The following PTPRN2 variants were observed in gnomAD, a reference collection of about 807,000 sequenced individuals.
PTPRN2 encodes the protein receptor-type tyrosine-protein phosphatase N2.
A neutral mutation model predicts 118.8 loss-of-function variants in PTPRN2; 74 were observed. That is an observed-to-expected ratio of 0.62 (90% CI 0.52 to 0.76). The LOEUF is 0.76. Ranked by LOEUF, PTPRN2 falls within the 30% of genes least tolerant of loss-of-function variation. PTPRN2 has a pLI of 0.00. For missense variants in PTPRN2, 1,481 were observed against 1,394.4 expected (o/e 1.06, Z -0.99); for synonymous variants, 641 against 608.0 (o/e 1.05, Z -0.80).
At chr7:157,758,627 C>T (rs1223952718) in intron 12 of PTPRN2, among the ~76,000 whole-genome samples, 3 of 152,206 alleles carry the variant, frequency 2.0e-5, no homozygotes, top group African/African-American at 4.8e-5. Flanking sequence ...CGCAGGGGTC[C>T]CTGGAGGACG....
At chr7:158,023,594 C>A (rs1319521604) in intron 11 of PTPRN2, among the ~76,000 whole-genome samples, 3 of 152,154 alleles carry the variant, frequency 2.0e-5, no homozygotes, top group Non-Finnish European at 2.9e-5. Flanking sequence ...CTTGCGGTGT[C>A]CCCCACTGCC....
chr7:157,710,546 G>A (rs939800772), intron 12 of PTPRN2, among the ~76,000 whole-genome samples: 46 of 136,162 alleles, frequency 3.4e-4, no homozygotes, highest in Admixed American at 1.9e-3. Context: ...GCGGGGTCCC[G>A]CTGCAGAAGA....
intron 6 of PTPRN2, among the ~76,000 whole-genome samples, chr7:158,141,248 G>T (rs1819359036): frequency 6.6e-6 from 1 of 152,232 alleles, no homozygotes; most frequent in Admixed American, 6.5e-5. Context: ...GGCATTTTAG[G>T]TTTTTTGTCT....
intron 13 of PTPRN2, among the ~76,000 whole-genome samples, chr7:157,677,968 G>A (rs914710469): frequency 3.3e-5 from 5 of 152,166 alleles, no homozygotes; most frequent in African/African-American, 9.7e-5. Flanking sequence ...TCCACGTCTC[G>A]AAAGTTTCAA....
At position 157,749,438 on chromosome 7, in the gene PTPRN2, CTGT is replaced by C. The variant is rs139639542; in HGVS notation, c.1789-66504_1789-66502del. On this transcript the variant is annotated intron_variant, in intron 12 of 22. Coordinates refer to ENST00000389418, the MANE Select transcript of PTPRN2 (RefSeq NM_002847.5). ...GAGGCCTGCGTCCCTGAGCTACAGGCTGTTGAGGTGATTCTGTGGCCTGTGTCC... is the reference window on the plus strand; with the variant it reads ...GAGGCCTGCGTCCCTGAGCTACAGGCTGAGGTGATTCTGTGGCCTGTGTCC... 8.5e-3 allele frequency among the ~76,000 whole-genome samples: 1,008 copies of C among 118,882 alleles called. 79 individuals carry two copies. Among genetic ancestry groups the C allele is most frequent in the Middle Eastern group, 0.037 (5 of 136 alleles). 78.0% of individuals were successfully genotyped at this position (118,882 alleles called of 152,430 possible). A position where few individuals can be genotyped will look rare whatever the true frequency, so the allele number is the denominator to read the frequency against.
In PTPRN2 at chr7:157,674,330, G is replaced by A. The variant is rs545208801; in HGVS notation, c.2001+8395C>T. On this transcript the variant is annotated intron_variant, in intron 13 of 22. Coordinates refer to ENST00000389418, the MANE Select transcript of PTPRN2 (RefSeq NM_002847.5). This position sits in a 1 kb window ranked among gnomAD's most constrained non-coding sequence, Gnocchi z 4.5. ...GGGTGGGGGGACTCCTGCTGGAGGC[G>A]GCCGGCAGATCAGCCTTCCTTATCC... Among the ~76,000 whole-genome samples, 16 of 152,264 alleles carry A rather than the reference G, an allele frequency of 1.1e-4. No individual in the cohort carries two copies. In the South Asian group the frequency reaches 1.7e-3, roughly 16 times the overall value.
intron 3 of PTPRN2, among the ~76,000 whole-genome samples, chr7:158,301,336 T>C (rs1395947374): frequency 3.3e-5 from 5 of 152,166 alleles, no homozygotes; most frequent in Admixed American, 1.3e-4. Context: ...ACTCCCCTCC[T>C]CCCTGTTCTG....
At chr7:157,659,734 C>A (rs1266608971) in intron 13 of PTPRN2, among the ~76,000 whole-genome samples, 1 of 151,926 alleles carries the variant, frequency 6.6e-6, no homozygotes, top group Admixed American at 6.6e-5. Flanking sequence ...AAGGATAATT[C>A]TTTATTTTTT....
At position 158,270,762 on chromosome 7, in the gene PTPRN2, A is replaced by ACCGCCCCCT. The variant is rs1563066914; in HGVS notation, c.277+46056_277+46057insAGGGGGCGG. On this transcript the variant is annotated intron_variant, in intron 3 of 22. Transcript: ENST00000389418. ...TACCTGAGCCGTCTTCTCCACCTGG[A>ACCGCCCCCT]CCACCCCGTCCACCTGGACCACCCC... 9.2e-5 allele frequency among the ~76,000 whole-genome samples: 13 copies of ACCGCCCCCT among 141,010 alleles called. 1 individual carries two copies. Among genetic ancestry groups the ACCGCCCCCT allele is most frequent in the African/African-American group, 3.7e-4 (13 of 35,438 alleles). 92.5% of individuals were successfully genotyped at this position (141,010 alleles called of 152,430 possible).
intron 11 of PTPRN2, among the ~76,000 whole-genome samples, chr7:158,050,856 C>T (rs569386468): frequency 2.9e-4 from 44 of 152,360 alleles, no homozygotes; most frequent in African/African-American, 1.0e-3. Context: ...GCTCAGAGGC[C>T]TCAGCAGCCC....
intron 10 of PTPRN2, among the ~76,000 whole-genome samples, chr7:158,098,263 T>C (rs1269182738): frequency 6.6e-6 from 1 of 152,096 alleles, no homozygotes; most frequent in Non-Finnish European, 1.5e-5. Context: ...CTCCGCAATG[T>C]GGGCAGGGGA....
chr7:158,134,083 G>C, intron 8 of PTPRN2, 24 bp from the exon 9 acceptor site: 1 of 1,600,668 alleles, frequency 6.2e-7, no homozygotes, highest in Non-Finnish European at 8.5e-7. Flanking sequence ...CATTCCGTGA[G>C]GGACGTCTGC....
intron 11 of PTPRN2, among the ~76,000 whole-genome samples, chr7:158,052,040 T>A (rs1186407598): frequency 6.6e-6 from 1 of 152,210 alleles, no homozygotes; most frequent in Admixed American, 6.5e-5. Flanking sequence ...CCCATCTGCA[T>A]AGGAGGCTGC....
chr7:157,998,957 G>A (rs949669837), intron 11 of PTPRN2, among the ~76,000 whole-genome samples: 12 of 152,072 alleles, frequency 7.9e-5, no homozygotes, highest in African/African-American at 2.9e-4. Flanking sequence ...GGGGTGCGAG[G>A]CATCCGGGGG....
intron 9 of PTPRN2, among the ~76,000 whole-genome samples, chr7:158,111,985 C>T (rs1816318677): frequency 6.6e-6 from 1 of 152,122 alleles, no homozygotes. Flanking sequence ...CAGGGTGTCG[C>T]AAAGACATGG....
At chr7:157,684,538 G>T (rs1434638377) in intron 12 of PTPRN2, among the ~76,000 whole-genome samples, 2 of 151,880 alleles carry the variant, frequency 1.3e-5, no homozygotes, top group Admixed American at 1.3e-4. Flanking sequence ...TCGCCGCCGG[G>T]TCGCCCTTCG....
intron 3 of PTPRN2, among the ~76,000 whole-genome samples, chr7:158,238,200 G>T (rs1004661572): frequency 2.6e-5 from 4 of 152,138 alleles, no homozygotes; most frequent in Admixed American, 2.6e-4. Flanking sequence ...AAAGGCCAGA[G>T]GGTCCACAGG....
intron 9 of PTPRN2, among the ~76,000 whole-genome samples, chr7:158,132,107 T>C (rs1441906503): frequency 1.5e-5 from 2 of 134,006 alleles, no homozygotes; most frequent in Non-Finnish European, 3.1e-5. Flanking sequence ...TATGCACAGA[T>C]ACACACACCT....
At chr7:158,332,047 TAA>T (rs1406003368) in intron 2 of PTPRN2, among the ~76,000 whole-genome samples, 2 of 150,502 alleles carry the variant, frequency 1.3e-5, no homozygotes, top group Non-Finnish European at 2.9e-5. Flanking sequence ...ACTCTAACGA[TAA>T]GAGGTGACAT....
Sources: allele counts gnomAD v4.1 joint callset (sites outside exome capture counted in the v4.1 genomes callset), GRCh38; gene constraint gnomAD v4.1.1; non-coding constraint Gnocchi (gnomAD v3.1); transcripts MANE v1.5; gene names NCBI Gene and HGNC (gene_info 2026-07-23, HGNC 2026-07-21).